Variants in MAX observed in about 807,000 individuals in gnomAD.
MAX encodes the protein MYC associated transcriptional regulator X.
A neutral mutation model predicts 22.3 loss-of-function variants in MAX; 3 were observed. That is an observed-to-expected ratio of 0.13 (90% CI 0.06 to 0.35). The LOEUF (loss-of-function observed/expected upper bound fraction) is 0.35, where lower values mean the gene tolerates loss of function less well. MAX is among the 10% of genes least tolerant of loss of function. The pLI is 1.00. For missense variants in MAX, 119 were observed against 209.4 expected, an observed-to-expected ratio of 0.57 and a Z score of 2.66; for synonymous variants, 72 against 77.7, an observed-to-expected ratio of 0.93 and a Z score of 0.39.
At chr14:65,043,871 A>G (rs1000680029) in intron 3 of MAX, among the ~76,000 whole-genome samples, 3 of 146,576 alleles carry the variant, frequency 2.0e-5, no homozygotes, top group Admixed American at 6.8e-5. Flanking sequence ...GAAATGTAGT[A>G]CCAAATTCCA....
chr14:65,064,834 A>G (rs2062914940), intron 3 of MAX, among the ~76,000 whole-genome samples: 1 of 152,260 alleles, frequency 6.6e-6, no homozygotes, highest in East Asian at 1.9e-4. Context: ...CATTGCTCTC[A>G]AACAGTGATT....
At chr14:65,092,715 G>A (rs1269376450) in intron 3 of MAX, among the ~76,000 whole-genome samples, 2 of 152,142 alleles carry the variant, frequency 1.3e-5, no homozygotes, top group African/African-American at 4.8e-5. Flanking sequence ...ATAAAGTATA[G>A]AGGCCATAAC....
intron 3 of MAX, among the ~76,000 whole-genome samples, chr14:65,008,838 C>A (rs2061638330): frequency 6.6e-6 from 1 of 152,156 alleles, no homozygotes; most frequent in Non-Finnish European, 1.5e-5. Context: ...AAATCATTAC[C>A]CAGTACACAT....
chr14:65,065,479 C>T (rs758831958), intron 3 of MAX, among the ~76,000 whole-genome samples: 31 of 152,150 alleles, frequency 2.0e-4, no homozygotes, highest in Non-Finnish European at 4.0e-4. Flanking sequence ...ACCTAGATGG[C>T]CTACCCTACC....
chr14:65,033,935 A>T (rs2062138312), intron 3 of MAX, among the ~76,000 whole-genome samples: 1 of 152,204 alleles, frequency 6.6e-6, no homozygotes, highest in South Asian at 2.1e-4. Context: ...TGTTTTAGTT[A>T]AAAAAATTTT....
chr14:65,035,232 A>G (rs1246906279), intron 3 of MAX, among the ~76,000 whole-genome samples: 2 of 152,122 alleles, frequency 1.3e-5, no homozygotes, highest in Non-Finnish European at 2.9e-5. Flanking sequence ...GCCCTGGGCT[A>G]TGGCTGCCAT....
At chr14:65,090,053 A>G (rs919976545) in intron 3 of MAX, 2 of 152,220 alleles carry the variant, frequency 1.3e-5, no homozygotes, top group Admixed American at 6.5e-5. Flanking sequence ...CAGAGCAACT[A>G]TGTGAACTCA....
At chr14:65,036,848 G>A (rs1398701740) in intron 3 of MAX, among the ~76,000 whole-genome samples, 1 of 152,022 alleles carries the variant, frequency 6.6e-6, no homozygotes, top group Non-Finnish European at 1.5e-5. Flanking sequence ...ATACTGGCCA[G>A]GCTGGTCTCA....
chr14:65,102,266 G>T, intron 1 of MAX, 38 bp downstream of exon 1: 1 of 1,612,884 alleles, frequency 6.2e-7, no homozygotes, highest in Non-Finnish European at 8.5e-7. Flanking sequence ...GTCCCCGCCT[G>T]ACAACCCGCA....
intron 2 of MAX, among the ~76,000 whole-genome samples, chr14:65,098,334 C>T (rs1000512234): frequency 2.0e-5 from 3 of 152,142 alleles, no homozygotes; most frequent in Admixed American, 1.3e-4. Flanking sequence ...CTACCAAGCT[C>T]GTTCTCTTCT....
Position 65,076,554 on chromosome 14 carries a change from A to T in MAX, c.405T>A (p.Asp135Glu), listed in dbSNP as rs1354621995. ...NAKGSTISAFDGGSDSSSESE... is the reference protein window; with the variant it reads ...NAKGSTISAFEGGSDSSSESE... Reference sequence around the variant, plus strand: ...ACTCCGAGCTGGAGTCCGAGCCCCCATCGAAGGCAGAGATGGTGCTGCCCT... The same window carrying T: ...ACTCCGAGCTGGAGTCCGAGCCCCCTTCGAAGGCAGAGATGGTGCTGCCCT... The change falls in exon 5 of 5, where the codon GAT becomes GAA. Residue 135 changes from aspartate to glutamate, a missense_variant. Around this residue, in one of 3 missense-constraint regions of MAX, gnomAD observed 95 missense variants for 148.1 expected, o/e 0.64. Coordinates refer to ENST00000358664, the MANE Select transcript of MAX (RefSeq NM_002382.5). The surrounding 1 kb of genome is among the most constrained non-coding windows in gnomAD (Gnocchi z 6.6). The T allele has an allele frequency of 6.2e-7, 1 of 1,613,942 alleles. No homozygotes were observed. The highest frequency in any genetic ancestry group is 8.5e-7 in the Non-Finnish European group (1 of 1,180,014).
chr14:65,099,830 ATTATCT>A (rs373020058), intron 2 of MAX, among the ~76,000 whole-genome samples: 70 of 152,362 alleles, frequency 4.6e-4, no homozygotes, highest in Middle Eastern at 3.4e-3. Context: ...AATAAAACAA[ATTATCT>A]TTAATGACTA....
intron 3 of MAX, chr14:65,022,078 A>G (rs2139553937): frequency 2.2e-6 from 1 of 456,002 alleles, no homozygotes. Context: ...TCAACAAGAG[A>G]TGCTGCCCGT....
At position 65,064,143 on chromosome 14, in the gene MAX, C is replaced by T. The variant is rs75361529; in HGVS notation, c.171+29565G>A. 2.7e-3 allele frequency among the ~76,000 whole-genome samples: 415 copies of T among 152,182 alleles called. 6 individuals are homozygous for T. The highest frequency in any genetic ancestry group is 0.024 in the East Asian group (125 of 5,166). On this transcript the variant is annotated intron_variant, in intron 3 of 3. Coordinates refer to the MAX transcript ENST00000341653. ...TAAACAATAGTTCCACACTGCTCTC[C>T]CTTCTTGGTATTATTGAGCATTCTT...
chr14:65,080,090 G>C (rs1197258148), intron 3 of MAX, among the ~76,000 whole-genome samples: 11 of 152,172 alleles, frequency 7.2e-5, no homozygotes, highest in Admixed American at 2.0e-4. Context: ...GCAGAGACTA[G>C]AGACACCACG....
In MAX at chr14:65,027,613, C is replaced by T; in HGVS notation, c.172-21329G>A. ...CATCATTAACAGGTACAGTGAAAGC[C>T]AGCAGTGACAGAAACCTAGAGGAGT... On this transcript the variant is annotated intron_variant, in intron 3 of 3. Coordinates refer to the MAX transcript ENST00000341653. This position sits in a 1 kb window ranked among gnomAD's most constrained non-coding sequence, Gnocchi z 5.7. The T allele has an allele frequency of 6.2e-7, 1 of 1,614,096 alleles. No homozygotes were observed. The highest frequency in any genetic ancestry group is 8.5e-7 in the Non-Finnish European group (1 of 1,179,972).
chr14:65,032,122 A>G lies in MAX; in HGVS notation c.172-25838T>C, dbSNP rs2062099726. 6.6e-6 allele frequency among the ~76,000 whole-genome samples: 1 copy of G among 151,914 alleles called. No individual in the cohort carries two copies. The highest frequency in any genetic ancestry group is 1.9e-4 in the East Asian group (1 of 5,146). ...TCCTATCCTTGTTTGATCTATTACA[A>G]TTTGGTGGCCTGTTTTGCAGTTTAT... On this transcript the variant is annotated intron_variant, in intron 3 of 3. Transcript: ENST00000341653. The surrounding 1 kb of genome is among the most constrained non-coding windows in gnomAD (Gnocchi z 5.0).
chr14:65,063,891 T>C (rs2062904661), intron 3 of MAX, among the ~76,000 whole-genome samples: 1 of 152,170 alleles, frequency 6.6e-6, no homozygotes, highest in African/African-American at 2.4e-5. Context: ...ACTCCTTGAG[T>C]AGAAGACATT....
Position 65,079,018 on chromosome 14 carries a change from T to C in MAX, c.172-982A>G, listed in dbSNP as rs2063137195. On this transcript the variant is annotated intron_variant, in intron 3 of 4. Transcript: ENST00000358664. This position sits in a 1 kb window ranked among gnomAD's most constrained non-coding sequence, Gnocchi z 4.5. ...CCATCCGACTCCTGAACTGTACTCC[T>C]CCCATCTCCTCTGGTTCTTTAGGTT... is the stretch of plus-strand genomic sequence containing the variant. Among the ~76,000 whole-genome samples, 14 of 152,224 alleles carry C rather than the reference T, an allele frequency of 9.2e-5. No homozygotes were observed. Among genetic ancestry groups the C allele is most frequent in the Admixed American group, 7.9e-4 (12 of 15,282 alleles).
Sources: gnomAD v4.1 joint callset for allele counts (sites outside exome capture counted in the v4.1 genomes callset) on GRCh38, gnomAD v4.1.1 for gene constraint, gnomAD v4.1.1 regional missense constraint, Gnocchi (gnomAD v3.1) non-coding constraint, MANE v1.5 for transcripts, NCBI Gene and HGNC (gene_info 2026-07-23, HGNC 2026-07-21) for gene names.